The following KIF26B variants were observed in gnomAD, a reference collection of about 807,000 sequenced individuals.
KIF26B encodes the protein kinesin family member 26B.
In KIF26B, 63 loss-of-function variants were observed where a neutral mutation model predicts 151.2. The observed-to-expected ratio is 0.42, with a 90% CI of 0.34 to 0.51. The LOEUF (loss-of-function observed/expected upper bound fraction) is 0.51, where lower values mean the gene tolerates loss of function less well. Ranked by LOEUF, KIF26B falls within the 20% of genes least tolerant of loss-of-function variation. The pLI, the probability that KIF26B is intolerant of heterozygous loss-of-function variation, is 0.07. For synonymous variants in KIF26B, 1,357 were observed against 1,262.1 expected (o/e 1.08, Z -1.59); for missense variants, 2,813 against 2,913.6 (o/e 0.97, Z 0.79).
intron 2 of KIF26B, among the ~76,000 whole-genome samples, chr1:245,335,638 A>AGTCCCATGAGGGGAAAGGGGG (rs1558393127): frequency 7.2e-6 from 1 of 139,092 alleles, no homozygotes; most frequent in African/African-American, 2.7e-5. Flanking sequence ...GGGAAAGGAG[A>AGTCCCATGAGGGGAAAGGGGG]GTCCCACGAG....
intron 10 of KIF26B, among the ~76,000 whole-genome samples, chr1:245,679,094 T>C (rs749592698): frequency 5.9e-5 from 9 of 152,128 alleles, no homozygotes; most frequent in Non-Finnish European, 1.2e-4. Flanking sequence ...AAACTTCTTA[T>C]GCAAAGGAGC....
At chr1:245,382,063 C>T (rs76530846) in intron 3 of KIF26B, among the ~76,000 whole-genome samples, 2,036 of 152,254 alleles carry the variant, frequency 0.013, 45 homozygotes, top group African/African-American at 0.047. Flanking sequence ...AAACCTTGCT[C>T]TCAATTCTTT....
At chr1:245,465,444 G>A (rs530052819) in intron 4 of KIF26B, among the ~76,000 whole-genome samples, 40 of 152,220 alleles carry the variant, frequency 2.6e-4, no homozygotes, top group Non-Finnish European at 4.9e-4. Flanking sequence ...GAGCCCCCAT[G>A]CCTCCTGCTT....
intron 2 of KIF26B, among the ~76,000 whole-genome samples, chr1:245,343,948 C>T (rs539851109): frequency 1.3e-5 from 2 of 152,224 alleles, no homozygotes; most frequent in East Asian, 1.9e-4. Flanking sequence ...AGCTGCAATT[C>T]GGGGGGGCCA....
intron 9 of KIF26B, among the ~76,000 whole-genome samples, chr1:245,623,357 T>G (rs1213447012): frequency 1.3e-5 from 2 of 152,164 alleles, no homozygotes; most frequent in African/African-American, 4.8e-5. Flanking sequence ...CTCTCGTGTG[T>G]GGCTTCTTTC....
intron 4 of KIF26B, among the ~76,000 whole-genome samples, chr1:245,441,175 A>C (rs1451093181): frequency 6.6e-6 from 1 of 152,150 alleles, no homozygotes; most frequent in African/African-American, 2.4e-5. Flanking sequence ...GGTGTCTACC[A>C]CCGTAATTAA....
At chr1:245,379,696 C>T (rs976910166) in intron 3 of KIF26B, among the ~76,000 whole-genome samples, 2 of 151,782 alleles carry the variant, frequency 1.3e-5, no homozygotes, top group South Asian at 2.1e-4. Context: ...CTCGGCTGGT[C>T]GCGGTGGCTC....
chr1:245,539,722 G>C (rs571116530), intron 4 of KIF26B, among the ~76,000 whole-genome samples: 1 of 152,078 alleles, frequency 6.6e-6, no homozygotes, highest in Non-Finnish European at 1.5e-5. Flanking sequence ...GCGCTATCTG[G>C]GCTCACTGCA....
chr1:245,248,036 G>A (rs1670369030), intron 2 of KIF26B, among the ~76,000 whole-genome samples: 2 of 152,074 alleles, frequency 1.3e-5, no homozygotes, highest in South Asian at 4.1e-4. Flanking sequence ...CACCAACAGT[G>A]CCAACACGGC....
intron 9 of KIF26B, among the ~76,000 whole-genome samples, chr1:245,638,010 T>C (rs1354808478): frequency 6.6e-6 from 1 of 151,990 alleles, no homozygotes; most frequent in Non-Finnish European, 1.5e-5. Context: ...TATAAGAATT[T>C]TAAGATTTCT....
intron 2 of KIF26B, among the ~76,000 whole-genome samples, chr1:245,226,707 C>T (rs559487298): frequency 1.2e-3 from 176 of 152,294 alleles, no homozygotes; most frequent in African/African-American, 3.9e-3. Flanking sequence ...AGGTGATCCA[C>T]CCGCCTCGGC....
intron 3 of KIF26B, 106 bp from the exon 4 acceptor site, chr1:245,419,473 A>C: frequency 1.9e-6 from 2 of 1,037,068 alleles, no homozygotes; most frequent in South Asian, 1.7e-5. Flanking sequence ...GTGGGATAGA[A>C]ACCTGTTCCC....
At chr1:245,644,368 TACTTA>T (rs2043924758) in intron 9 of KIF26B, among the ~76,000 whole-genome samples, 1 of 152,208 alleles carries the variant, frequency 6.6e-6, no homozygotes, top group South Asian at 2.1e-4. Flanking sequence ...TCCATGTTTC[TACTTA>T]ACTTTTTGAA....
chr1:245,242,882 C>T (rs1196754823), intron 2 of KIF26B, among the ~76,000 whole-genome samples: 3 of 152,022 alleles, frequency 2.0e-5, no homozygotes, highest in African/African-American at 7.3e-5. Flanking sequence ...GAACTCCTGA[C>T]ATCATGATCT....
At chr1:245,646,372 G>T in intron 10 of KIF26B, 92 bp downstream of exon 10, 1 of 1,348,852 alleles carries the variant, frequency 7.4e-7, no homozygotes, top group Non-Finnish European at 1.0e-6. Context: ...GTGCCACAGA[G>T]GGACAGCCTG....
chr1:245,469,155 C>T lies in KIF26B; in HGVS notation c.1166+49410C>T, dbSNP rs112705616. Among the ~76,000 whole-genome samples, 1,251 of 152,332 alleles carry T rather than the reference C, an allele frequency of 8.2e-3. 15 individuals are homozygous for T. Among genetic ancestry groups the T allele is most frequent in the African/African-American group, 0.027 (1,137 of 41,580 alleles). ...CCTACCAGCATGGCTGGAGCAAAAACGCCAGAGTCTCACGTACAAACATTA... is the reference window on the plus strand; with the variant it reads ...CCTACCAGCATGGCTGGAGCAAAAATGCCAGAGTCTCACGTACAAACATTA... On this transcript the variant is annotated intron_variant, in intron 4 of 14. Coordinates refer to ENST00000407071, the MANE Select transcript of KIF26B (RefSeq NM_018012.4).
In KIF26B at chr1:245,562,835, C is replaced by T. The variant is rs372360244; in HGVS notation, c.1350+21885C>T. Among the ~76,000 whole-genome samples, 181 of 152,238 alleles carry T rather than the reference C, an allele frequency of 1.2e-3. 2 individuals carry two copies. In the South Asian group the frequency reaches 0.03, roughly 26 times the overall value. On this transcript the variant is annotated intron_variant, in intron 5 of 14. Coordinates refer to ENST00000407071, the MANE Select transcript of KIF26B (RefSeq NM_018012.4). ...AAGTGATCCTCCTGCCTCAGCCTCC[C>T]GAGTAGCTGGGACTATAGGCATGCG...
At position 245,698,728 on chromosome 1, in the gene KIF26B, T is replaced by C. The variant is rs2044727895; in HGVS notation, c.6028-159T>C. ...AGTCCTACCTTGTGAGGTGTCTGAA[T>C]TGAGGTCTGTCAAGGGAGAATTTGG... On this transcript the variant is annotated intron_variant, in intron 13 of 14. Coordinates refer to ENST00000407071, the MANE Select transcript of KIF26B (RefSeq NM_018012.4). The surrounding 1 kb of genome is among the most constrained non-coding windows in gnomAD (Gnocchi z 4.0). 1.3e-5 allele frequency among the ~76,000 whole-genome samples: 2 copies of C among 152,170 alleles called. No individual in the cohort carries two copies. The highest frequency in any genetic ancestry group is 2.1e-4 in the South Asian group (1 of 4,836).
At chr1:245,324,740 C>T (rs537682487) in intron 2 of KIF26B, among the ~76,000 whole-genome samples, 9 of 152,230 alleles carry the variant, frequency 5.9e-5, no homozygotes, top group South Asian at 2.1e-4. Context: ...CTCAGGCACA[C>T]GGCTGCTGGG....
Sources: allele counts gnomAD v4.1 joint callset (sites outside exome capture counted in the v4.1 genomes callset), GRCh38; gene constraint gnomAD v4.1.1; non-coding constraint Gnocchi (gnomAD v3.1); transcripts MANE v1.5; gene names NCBI Gene and HGNC (gene_info 2026-07-23, HGNC 2026-07-21).